BCAS2: variants seen among roughly 807,000 people sequenced by gnomAD.
BCAS2 encodes pre-mRNA-splicing factor SPF27.
Under a neutral mutation model 35.3 loss-of-function variants are expected in BCAS2, and 34 were observed. The ratio of observed to expected loss-of-function variants is 0.96; its 90% CI spans 0.73 to 1.28. The LOEUF (loss-of-function observed/expected upper bound fraction) is 1.28. Ranked by LOEUF, BCAS2 falls within the 50% of genes most tolerant of loss-of-function variation. The probability of loss-of-function intolerance (pLI) is 0.00; values close to 1 mark genes in which losing one functional copy is unlikely to be tolerated. For synonymous variants in BCAS2, 75 were observed against 91.6 expected (o/e 0.82, Z 1.03); for missense variants, 221 against 268.1 (o/e 0.82, Z 1.23).
intron 3 of BCAS2, among the ~76,000 whole-genome samples, chr1:114,576,247 C>CTATATATATA (rs67885657): frequency 7.6e-6 from 1 of 131,652 alleles, no homozygotes; most frequent in African/African-American, 2.9e-5. Context: ...CTCTCTCTCT[C>CTATATATATA]TATATATATA....
At chr1:114,572,953 A>C (rs1161702853) in intron 4 of BCAS2, among the ~76,000 whole-genome samples, 2 of 151,872 alleles carry the variant, frequency 1.3e-5, no homozygotes, top group African/African-American at 4.8e-5. Context: ...TCTCCACAAA[A>C]AATACAAAAA....
At chr1:114,569,232 T>A (rs1473167932) in intron 6 of BCAS2, among the ~76,000 whole-genome samples, 4 of 151,926 alleles carry the variant, frequency 2.6e-5, no homozygotes, top group African/African-American at 9.7e-5. Flanking sequence ...AATAGTTTAT[T>A]AAATTGAGGA....
At chr1:114,581,456 G>A (rs1654888287) in intron 1 of BCAS2, 43 bp downstream of exon 1, 5 of 1,613,776 alleles carry the variant, frequency 3.1e-6, no homozygotes, top group Non-Finnish European at 4.2e-6. Context: ...TCAGTACCGA[G>A]CCAGCTAGCA....
chr1:114,580,379 C>A (rs150647383), intron 2 of BCAS2, among the ~76,000 whole-genome samples: 396 of 152,304 alleles, frequency 2.6e-3, no homozygotes, highest in Non-Finnish European at 4.6e-3. Context: ...TAACTAGAAT[C>A]CTGGGTGTAC....
In BCAS2 at chr1:114,581,600, C is replaced by A. The variant is rs1437052347; in HGVS notation, c.-9G>T. The A allele has an allele frequency of 6.2e-7, 1 of 1,613,006 alleles. No homozygotes were observed. On this transcript the variant is annotated 5_prime_UTR_variant, in exon 1 of 7. Coordinates refer to ENST00000369541, the MANE Select transcript of BCAS2 (RefSeq NM_005872.3). ...AAACCTGTGCCCGCCATTCTGAGGA[C>A]CTCAGGTTTGCCTGCGTTTTCTGCG...
At chr1:114,578,557 G>C (rs1210712621) in intron 2 of BCAS2, among the ~76,000 whole-genome samples, 3 of 152,194 alleles carry the variant, frequency 2.0e-5, no homozygotes, top group Non-Finnish European at 4.4e-5. Flanking sequence ...GGAGCGGCAA[G>C]GGCAATCCCT....
chr1:114,571,497 C>T (rs1654642779), intron 4 of BCAS2, among the ~76,000 whole-genome samples: 1 of 152,072 alleles, frequency 6.6e-6, no homozygotes, highest in Non-Finnish European at 1.5e-5. Context: ...GCTTGGATTA[C>T]AGGCATAAGC....
intron 6 of BCAS2, 88 bp downstream of exon 6, chr1:114,569,904 C>T (rs1654604771): frequency 2.0e-6 from 2 of 976,476 alleles, no homozygotes; most frequent in African/African-American, 1.6e-5. Flanking sequence ...CTGTGGCATC[C>T]CATTTGAATG....
At chr1:114,571,313 G>A (rs1340593399) in intron 4 of BCAS2, among the ~76,000 whole-genome samples, 4 of 151,636 alleles carry the variant, frequency 2.6e-5, no homozygotes, top group African/African-American at 9.7e-5. Flanking sequence ...CATCTGCCTC[G>A]GCCTCCCAAA....
chr1:114,568,111 T>C lies in BCAS2; in HGVS notation c.*19A>G. ...TTTTGTGAAAGCCCAACTTTTCTTCTACCTGCTAAATTGTCTTTTCAGAAG... is the reference window on the plus strand; with the variant it reads ...TTTTGTGAAAGCCCAACTTTTCTTCCACCTGCTAAATTGTCTTTTCAGAAG... On this transcript the variant is annotated 3_prime_UTR_variant, in exon 7 of 7. Coordinates refer to ENST00000369541, the MANE Select transcript of BCAS2 (RefSeq NM_005872.3). 1.2e-6 allele frequency: 2 copies of C among 1,611,658 alleles called. No individual in the cohort carries two copies. The highest frequency in any genetic ancestry group is 2.2e-5 in the East Asian group (1 of 44,852).
intron 4 of BCAS2, among the ~76,000 whole-genome samples, chr1:114,571,336 C>T (rs1173334986): frequency 2.0e-5 from 3 of 151,946 alleles, no homozygotes; most frequent in Non-Finnish European, 4.4e-5. Context: ...GCTGAGATAA[C>T]AGGCGTGAGC....
At chr1:114,576,598 A>G in intron 3 of BCAS2, 90 bp downstream of exon 3, 4 of 1,120,362 alleles carry the variant, frequency 3.6e-6, no homozygotes, top group Admixed American at 4.1e-5. Context: ...AACACTGCCA[A>G]TATTAGCCAG....
In BCAS2 at chr1:114,575,603, T is replaced by C; in HGVS notation, c.406A>G (p.Lys136Glu). The C allele has an allele frequency of 6.2e-7, 1 of 1,602,916 alleles. No homozygotes were observed. ...LMSQHGCNAW[K>E]VYNENLVHMI... ...AAAGGTTCTTACTCATTGTATACTT[T>C]CCAGGCATTACATCCATGCTGTGAC... The change falls in exon 4 of 7, where the codon AAA (lysine) becomes GAA (glutamate). Residue 136 changes from lysine (K) to glutamate (E), a missense_variant. Coordinates refer to ENST00000369541, the MANE Select transcript of BCAS2 (RefSeq NM_005872.3).
rs746558693 is a variant in BCAS2, at chr1:114,581,525, A to T, written c.67T>A (p.Tyr23Asn). 39 of 1,614,116 alleles carry T rather than the reference A, an allele frequency of 2.4e-5. No homozygotes were observed. Among genetic ancestry groups the T allele is most frequent in the South Asian group, 9.9e-5 (9 of 91,080 alleles). ...VDALPYFDQGYEAPGVREAAA... is the reference protein window; with the variant it reads ...VDALPYFDQGNEAPGVREAAA... The stretch of plus-strand genomic sequence containing the variant: ...GCTTCCCGCACACCAGGGGCTTCAT[A>T]ACCTTGATCAAAATACGGCAGCGCA... Residue 23 changes from tyrosine (Y) to asparagine (N), a missense_variant, in exon 1 of 7, where the codon TAT (tyrosine) becomes AAT (asparagine). By Grantham distance (143) the Tyr-to-Asn change is moderately radical. Transcript: ENST00000369541.
At chr1:114,575,239 G>A (rs1322481858) in intron 4 of BCAS2, among the ~76,000 whole-genome samples, 1 of 142,214 alleles carries the variant, frequency 7.0e-6, no homozygotes, top group Non-Finnish European at 1.5e-5. Flanking sequence ...CTAGGCTGGA[G>A]TGCAGTGGCA....
At chr1:114,570,152 A>G (rs1654609974) in intron 5 of BCAS2, 80 bp from the exon 6 acceptor site, 1 of 949,428 alleles carries the variant, frequency 1.1e-6, no homozygotes, top group Admixed American at 2.1e-5. Flanking sequence ...ACACAAGAGA[A>G]TATCTTAATC....
intron 4 of BCAS2, among the ~76,000 whole-genome samples, chr1:114,573,762 A>C (rs964897524): frequency 6.6e-5 from 10 of 152,208 alleles, no homozygotes; most frequent in African/African-American, 2.4e-4. Context: ...CCCCCCTTGC[A>C]ATATATAGAT....
chr1:114,579,881 C>A (rs1199600048), intron 2 of BCAS2, among the ~76,000 whole-genome samples: 2 of 151,996 alleles, frequency 1.3e-5, no homozygotes, highest in African/African-American at 4.8e-5. Flanking sequence ...AAAACAACAA[C>A]AAACTTAACT....
chr1:114,580,305 C>T (rs569782880), intron 2 of BCAS2, among the ~76,000 whole-genome samples: 27 of 152,278 alleles, frequency 1.8e-4, no homozygotes, highest in Non-Finnish European at 2.8e-4. Context: ...GCTGTACATA[C>T]TGAAATACTT....
Sources: allele counts gnomAD v4.1 joint callset (sites outside exome capture counted in the v4.1 genomes callset), GRCh38; gene constraint gnomAD v4.1.1; transcripts MANE v1.5; gene names NCBI Gene and HGNC (gene_info 2026-07-23, HGNC 2026-07-21).